DMD: variants seen among roughly 807,000 people sequenced by gnomAD.
DMD encodes the protein mutant dystrophin.
DMD carries 63 observed loss-of-function variants against 330.1 expected under a neutral mutation model. That is an observed-to-expected ratio of 0.19 (90% CI 0.16 to 0.24). DMD has a LOEUF of 0.24. Among genes scored for constraint, DMD ranks in the 10% least tolerant of loss-of-function variants. DMD has a pLI of 1.00. For synonymous variants in DMD, 1,223 were observed against 959.8 expected, an observed-to-expected ratio of 1.27 and a Z score of -5.07; for missense variants, 3,344 against 2,684.1, an observed-to-expected ratio of 1.25 and a Z score of -5.43.
rs773055219 is a variant in DMD at position 33,336,373 on chromosome X, C to T, written c.7+2886G>A. On this transcript the variant is annotated intron_variant, in intron 1 of 17. Transcript: ENST00000288447. ...GGATAATAGGATGGAGCAAGCTTCT[C>T]AGGCAAAACATTTCAAAGCATATTT... Among the ~76,000 whole-genome samples, 13 of 109,629 alleles carry T rather than the reference C, an allele frequency of 1.2e-4. 1 individual carries two copies. The South Asian group carries it at 3.5e-3, about 30-fold the overall frequency.
At chrX:31,755,954 AT>A (rs1158009990) in intron 51 of DMD, among the ~76,000 whole-genome samples, 1 of 112,059 alleles carries the variant, frequency 8.9e-6, no homozygotes, top group Non-Finnish European at 1.9e-5. Context: ...AAAGGCTGGT[AT>A]TTACATAATC....
intron 60 of DMD, among the ~76,000 whole-genome samples, chrX:31,386,640 C>G (rs1444001187): frequency 8.9e-6 from 1 of 112,214 alleles, no homozygotes; most frequent in East Asian, 2.8e-4. Flanking sequence ...TAACACAGTG[C>G]TTGGCACATA....
intron 2 of DMD, among the ~76,000 whole-genome samples, chrX:32,932,159 T>A (rs1435521475): frequency 1.8e-5 from 2 of 112,330 alleles, no homozygotes; most frequent in Non-Finnish European, 3.8e-5. Context: ...GTTTCCTTAT[T>A]GATATGGCTA....
intron 1 of DMD, among the ~76,000 whole-genome samples, chrX:33,063,674 C>A (rs1476716795): frequency 9.0e-6 from 1 of 110,986 alleles, no homozygotes; most frequent in African/African-American, 3.3e-5. Context: ...TCCTAGACAC[C>A]CATAGAGGCA....
chrX:32,797,871 T>C (rs1043882423), intron 7 of DMD, among the ~76,000 whole-genome samples: 5 of 111,613 alleles, frequency 4.5e-5, no homozygotes, highest in Admixed American at 3.8e-4. Flanking sequence ...CTCAGTTATC[T>C]AGGTAAGAAT....
At chrX:33,223,254 T>A (rs980342785) in intron 1 of DMD, among the ~76,000 whole-genome samples, 33 of 111,819 alleles carry the variant, frequency 3.0e-4, no homozygotes, top group African/African-American at 1.0e-3. Context: ...GAGATTGCAG[T>A]GAGCCGAGAT....
chrX:32,777,183 T>C (rs1307667853), intron 7 of DMD, among the ~76,000 whole-genome samples: 4 of 99,032 alleles, frequency 4.0e-5, no homozygotes, highest in African/African-American at 1.5e-4. Context: ...GGTCACTTTG[T>C]TTCGCAGCAT....
chrX:32,997,069 A>G (rs2093140291), intron 2 of DMD, among the ~76,000 whole-genome samples: 1 of 111,444 alleles, frequency 9.0e-6, no homozygotes, highest in Admixed American at 9.5e-5. Flanking sequence ...GTTGGATAGT[A>G]GTGATGTCTG....
intron 2 of DMD, among the ~76,000 whole-genome samples, chrX:32,853,177 A>C (rs1226014241): frequency 8.9e-6 from 1 of 112,159 alleles, no homozygotes; most frequent in Non-Finnish European, 1.9e-5. Context: ...GTGGGATTTC[A>C]TCAACACCAG....
intron 43 of DMD, among the ~76,000 whole-genome samples, chrX:32,254,358 A>G (rs1425491897): frequency 8.9e-6 from 1 of 112,112 alleles, no homozygotes; most frequent in Admixed American, 9.5e-5. Flanking sequence ...TTTTTGTTTT[A>G]TATAAGAAGT....
intron 44 of DMD, among the ~76,000 whole-genome samples, chrX:32,011,563 G>A (rs983408171): frequency 7.2e-5 from 8 of 111,807 alleles, no homozygotes; most frequent in Non-Finnish European, 1.5e-4. Context: ...TCTCTGCTCT[G>A]GAAGGTATTT....
At chrX:31,456,101 T>C (rs928819550) in intron 59 of DMD, among the ~76,000 whole-genome samples, 2 of 111,157 alleles carry the variant, frequency 1.8e-5, no homozygotes, top group Non-Finnish European at 3.8e-5. Flanking sequence ...CCCTAATTTT[T>C]GGGCTTTTCC....
chrX:32,391,125 T>C (rs1196336218), intron 30 of DMD, among the ~76,000 whole-genome samples: 1 of 111,498 alleles, frequency 9.0e-6, no homozygotes, highest in Non-Finnish European at 1.9e-5. Flanking sequence ...ACACAATACA[T>C]TTATTTATTT....
chrX:32,725,296 C>T (rs183844755), intron 7 of DMD, among the ~76,000 whole-genome samples: 1 of 110,778 alleles, frequency 9.0e-6, no homozygotes, highest in East Asian at 2.9e-4. Context: ...ATCATAGTCA[C>T]TTATGAAATT....
intron 77 of DMD, among the ~76,000 whole-genome samples, chrX:31,129,370 A>G (rs1222965240): frequency 8.9e-6 from 1 of 112,318 alleles, no homozygotes; most frequent in Non-Finnish European, 1.9e-5. Context: ...ATATAAATCT[A>G]TAAATCAATT....
intron 7 of DMD, among the ~76,000 whole-genome samples, chrX:32,732,208 G>A (rs751348600): frequency 9.0e-6 from 1 of 110,970 alleles, no homozygotes; most frequent in Admixed American, 9.6e-5. Context: ...GGGAAGTTTA[G>A]AGGAAAAAGA....
chrX:32,578,218 TC>T (rs764849773), intron 13 of DMD, among the ~76,000 whole-genome samples: 7 of 112,164 alleles, frequency 6.2e-5, no homozygotes, highest in Non-Finnish European at 1.3e-4. Flanking sequence ...ATATGTAACT[TC>T]AACTCTGTTT....
intron 7 of DMD, among the ~76,000 whole-genome samples, chrX:32,735,613 A>G (rs946197892): frequency 5.8e-4 from 64 of 111,153 alleles, no homozygotes; most frequent in African/African-American, 2.1e-3. Context: ...ATAACGCCGC[A>G]TATCTACCAC....
intron 50 of DMD, among the ~76,000 whole-genome samples, chrX:31,796,232 T>C (rs920477093): frequency 9.8e-5 from 11 of 112,578 alleles, no homozygotes; most frequent in African/African-American, 3.5e-4. Flanking sequence ...TTGTAGAAGA[T>C]GCTATCTGAA....
Sources: gnomAD v4.1 joint callset for allele counts (sites outside exome capture counted in the v4.1 genomes callset) on GRCh38, gnomAD v4.1.1 for gene constraint, MANE v1.5 for transcripts, NCBI Gene and HGNC (gene_info 2026-07-23, HGNC 2026-07-21) for gene names.